The following HTR3B variants were observed in gnomAD, a reference collection of about 807,000 sequenced individuals.
HTR3B encodes the protein 5-hydroxytryptamine receptor 3B.
HTR3B carries 44 observed loss-of-function variants against 42.8 expected under a neutral mutation model. The observed-to-expected ratio is 1.03, with a 90% CI of 0.81 to 1.32. The LOEUF (loss-of-function observed/expected upper bound fraction) is 1.32, where lower values mean the gene tolerates loss of function less well. Among genes scored for constraint, HTR3B ranks in the 40% most tolerant of loss-of-function variants. The pLI is 0.00. For synonymous variants in HTR3B, 203 were observed against 209.0 expected (o/e 0.97, Z 0.25); for missense variants, 527 against 536.5 (o/e 0.98, Z 0.17).
chr11:113,928,547 CT>C (rs1022661501), intron 2 of HTR3B, among the ~76,000 whole-genome samples: 32 of 151,834 alleles, frequency 2.1e-4, no homozygotes, highest in African/African-American at 7.0e-4. Flanking sequence ...TGCTTCCTTC[CT>C]TTTTTTTGAG....
intron 2 of HTR3B, among the ~76,000 whole-genome samples, chr11:113,922,703 C>A (rs910452998): frequency 6.6e-6 from 1 of 152,050 alleles, no homozygotes; most frequent in Non-Finnish European, 1.5e-5. Context: ...CTACAGGCGC[C>A]CGCCACTACG....
intron 2 of HTR3B, among the ~76,000 whole-genome samples, chr11:113,925,417 GTTTTTTTTTT>G (rs201996305): frequency 3.7e-4 from 37 of 100,736 alleles, no homozygotes; most frequent in Middle Eastern, 6.2e-3. Flanking sequence ...TTACGAATTT[GTTTTTTTTTT>G]TTTTTTTTTT....
At chr11:113,932,152 T>C in intron 4 of HTR3B, 137 bp from the exon 5 acceptor site, 1 of 715,788 alleles carries the variant, frequency 1.4e-6, no homozygotes. Flanking sequence ...GTGAATCATC[T>C]CATGGAAAAT....
At chr11:113,914,024 C>T (rs1232101447) in intron 2 of HTR3B, among the ~76,000 whole-genome samples, 1 of 151,798 alleles carries the variant, frequency 6.6e-6, no homozygotes. Context: ...TTTCCAGACC[C>T]CAGAGCTGTG....
rs1319088002 is a variant in HTR3B, at chr11:113,942,998, A to T, written c.713A>T (p.His238Leu). The T allele has an allele frequency of 1.2e-6, 2 of 1,613,804 alleles. No homozygotes were observed. The highest frequency in any genetic ancestry group is 2.2e-5 in the South Asian group (2 of 91,062). Residue 238 changes from histidine to leucine, a missense_variant, in exon 7 of 9, where the codon CAC becomes CTC. By Grantham distance (99) the His-to-Leu change is moderately conservative. Transcript: ENST00000260191. ...CCCGGCCAGGTGGTGATGCGCAGGCACCCCCTGGTCTATGTCGTGAGTCTG... is the reference window on the plus strand; with the variant it reads ...CCCGGCCAGGTGGTGATGCGCAGGCTCCCCCTGGTCTATGTCGTGAGTCTG... ...QIQFNVVMRRHPLVYVVSLLI... is the reference protein window; with the variant it reads ...QIQFNVVMRRLPLVYVVSLLI...
chr11:113,929,619 G>C (rs1433717993), intron 2 of HTR3B, among the ~76,000 whole-genome samples: 1 of 152,038 alleles, frequency 6.6e-6, no homozygotes, highest in Non-Finnish European at 1.5e-5. Context: ...ATGGGTTTTG[G>C]GGGGACACCG....
rs1386474956 is a variant in HTR3B at position 113,907,632 on chromosome 11, T to A, written c.53-1663T>A. Reference sequence around the variant, plus strand: ...TGACCCATTCTAGAAAACATGAGTTTATCCATAGGGAATCTATGGATTGCT... The same window carrying A: ...TGACCCATTCTAGAAAACATGAGTTAATCCATAGGGAATCTATGGATTGCT... On this transcript the variant is annotated intron_variant, in intron 1 of 8. Transcript: ENST00000260191. Among the ~76,000 whole-genome samples, 3 of 152,214 alleles carry A rather than the reference T, an allele frequency of 2.0e-5. No homozygotes were observed. In the East Asian group the frequency reaches 5.8e-4, roughly 29 times the overall value.
At chr11:113,900,639 A>G (rs1447581632), upstream of HTR3B, among the ~76,000 whole-genome samples, 1 of 152,140 alleles carries the variant, frequency 6.6e-6, no homozygotes, top group East Asian at 1.9e-4. Flanking sequence ...GATAACAGGC[A>G]TGGGCCACCA....
chr11:113,902,378 C>A (rs1261389726), upstream of HTR3B, among the ~76,000 whole-genome samples: 1 of 151,174 alleles, frequency 6.6e-6, no homozygotes, highest in Non-Finnish European at 1.5e-5. Flanking sequence ...CTCAGTGCAA[C>A]CTCTGCCTTC....
intron 2 of HTR3B, among the ~76,000 whole-genome samples, chr11:113,915,963 T>G (rs932054300): frequency 6.6e-6 from 1 of 152,176 alleles, no homozygotes; most frequent in African/African-American, 2.4e-5. Flanking sequence ...CTCAGCCTCC[T>G]GAGTGGCTGG....
At chr11:113,929,464 G>A (rs1313867312) in intron 2 of HTR3B, among the ~76,000 whole-genome samples, 2 of 152,122 alleles carry the variant, frequency 1.3e-5, no homozygotes, top group Admixed American at 6.6e-5. Context: ...ACATGGTAGA[G>A]AGAGATCTTT....
chr11:113,942,811 T>C (rs1950145972), intron 6 of HTR3B, among the ~76,000 whole-genome samples, 171 bp from the exon 7 acceptor site: 1 of 152,200 alleles, frequency 6.6e-6, no homozygotes, highest in Non-Finnish European at 1.5e-5. Flanking sequence ...TTTTTTTCTC[T>C]TTTCTAAACC....
chr11:113,908,589 C>G (rs1283809931), intron 1 of HTR3B, among the ~76,000 whole-genome samples: 1 of 152,194 alleles, frequency 6.6e-6, no homozygotes, highest in Non-Finnish European at 1.5e-5. Context: ...CTCTTGCTTC[C>G]CTTCCTCTGG....
chr11:113,927,185 T>G (rs2137514244), intron 2 of HTR3B, among the ~76,000 whole-genome samples: 1 of 152,336 alleles, frequency 6.6e-6, no homozygotes, highest in South Asian at 2.1e-4. Context: ...TTAAGTACAT[T>G]CACATTCTTG....
upstream of HTR3B, among the ~76,000 whole-genome samples, chr11:113,900,493 T>C (rs1949690254): frequency 6.6e-6 from 1 of 152,072 alleles, no homozygotes; most frequent in Admixed American, 6.6e-5. Context: ...TTATTTTATT[T>C]TATTTTGTTT....
At chr11:113,919,001 C>T (rs754435606) in intron 2 of HTR3B, among the ~76,000 whole-genome samples, 6 of 152,070 alleles carry the variant, frequency 3.9e-5, no homozygotes, top group Non-Finnish European at 8.8e-5. Context: ...TTGCCAGTAC[C>T]ATCTTGCTAT....
At chr11:113,917,549 C>T (rs571167079) in intron 2 of HTR3B, among the ~76,000 whole-genome samples, 2 of 152,182 alleles carry the variant, frequency 1.3e-5, no homozygotes, top group African/African-American at 2.4e-5. Flanking sequence ...CCAACTTTTG[C>T]TTCATGTATT....
At position 113,928,594 on chromosome 11, in the gene HTR3B, G is replaced by A. The variant is rs1949999618; in HGVS notation, c.214-2790G>A. Among the ~76,000 whole-genome samples, 4 of 152,230 alleles carry A rather than the reference G, an allele frequency of 2.6e-5. No individual in the cohort carries two copies. The South Asian group carries it at 8.3e-4, about 32-fold the overall frequency. On this transcript the variant is annotated intron_variant, in intron 2 of 8. Transcript: ENST00000260191. ...ATTCTGTTGCCCAGGCTGGAGTGCA[G>A]TGGCACAATCTTGGCTCACTGCAAC...
At chr11:113,900,634 C>G (rs1167930162), upstream of HTR3B, among the ~76,000 whole-genome samples, 1 of 152,114 alleles carries the variant, frequency 6.6e-6, no homozygotes. Flanking sequence ...GCTGGGATAA[C>G]AGGCATGGGC....
Sources: gnomAD v4.1 joint callset for allele counts (sites outside exome capture counted in the v4.1 genomes callset) on GRCh38, gnomAD v4.1.1 for gene constraint, MANE v1.5 for transcripts, NCBI Gene and HGNC (gene_info 2026-07-23, HGNC 2026-07-21) for gene names.